ADORA2B: variants seen among roughly 807,000 people sequenced by gnomAD.
ADORA2B encodes the protein adenosine A2b receptor.
In ADORA2B, 18 loss-of-function variants were observed where a neutral mutation model predicts 20.8. The observed-to-expected ratio is 0.87, with a 90% CI of 0.60 to 1.29. The LOEUF (loss-of-function observed/expected upper bound fraction) is 1.29, where lower values mean the gene tolerates loss of function less well. ADORA2B is among the 50% of genes most tolerant of loss of function. The pLI is 0.00. For synonymous variants in ADORA2B, 179 were observed against 178.3 expected (o/e 1.00, Z -0.03); for missense variants, 441 against 422.7 (o/e 1.04, Z -0.38).
At chr17:15,955,399 T>G (rs937082551) in intron 1 of ADORA2B, among the ~76,000 whole-genome samples, 6 of 151,798 alleles carry the variant, frequency 4.0e-5, no homozygotes, top group Non-Finnish European at 8.8e-5. Flanking sequence ...TTTTTTTGTT[T>G]TTTTTGTTTT....
the ADORA2B span, among the ~76,000 whole-genome samples, chr17:15,884,529 A>G: frequency 6.6e-6 from 1 of 152,092 alleles, no homozygotes; most frequent in East Asian, 1.9e-4. Flanking sequence ...TATTAAGAAT[A>G]AGCCCAGCAT....
chr17:15,924,030 C>T, the ADORA2B span, among the ~76,000 whole-genome samples: 1 of 151,984 alleles, frequency 6.6e-6, no homozygotes, highest in Non-Finnish European at 1.5e-5. Context: ...CTCCTGCCTT[C>T]GCCTCCAGAG....
At chr17:15,874,240 T>C in the ADORA2B span, among the ~76,000 whole-genome samples, 1 of 151,782 alleles carries the variant, frequency 6.6e-6, no homozygotes, top group African/African-American at 2.4e-5. Flanking sequence ...AAAAATCATA[T>C]GTTCTCACTC....
upstream of ADORA2B, among the ~76,000 whole-genome samples, chr17:15,944,377 AGC>A (rs1056536377): frequency 6.6e-6 from 1 of 152,074 alleles, no homozygotes; most frequent in African/African-American, 2.4e-5. The surrounding 1 kb of genome is among the most constrained non-coding windows in gnomAD (Gnocchi z 4.8). Context: ...AGGCCTCGGG[AGC>A]CTGTGCCGAT....
chr17:15,937,853 G>A, the ADORA2B span, among the ~76,000 whole-genome samples: 1,320 of 152,248 alleles, frequency 8.7e-3, 20 homozygotes, highest in African/African-American at 0.03. Flanking sequence ...GATTACAGGC[G>A]TGAGCGACCA....
upstream of ADORA2B, chr17:15,944,971 G>C (rs1337975703): frequency 7.8e-6 from 2 of 256,732 alleles, no homozygotes; most frequent in African/African-American, 2.3e-5. This position sits in a 1 kb window ranked among gnomAD's most constrained non-coding sequence, Gnocchi z 4.8. Context: ...GCCTGGACCG[G>C]AGGGGCCCCG....
chr17:15,921,012 A>G, the ADORA2B span, among the ~76,000 whole-genome samples: 1 of 152,202 alleles, frequency 6.6e-6, no homozygotes, highest in South Asian at 2.1e-4. Flanking sequence ...TGGGAAACCA[A>G]TGTTTGAGTC....
chr17:15,900,788 G>A, the ADORA2B span, among the ~76,000 whole-genome samples: 1 of 152,118 alleles, frequency 6.6e-6, no homozygotes. Context: ...GGTGTGAGAG[G>A]ATGCAATCTT....
chr17:15,941,030 A>C (rs1969739717), upstream of ADORA2B, among the ~76,000 whole-genome samples: 1 of 152,252 alleles, frequency 6.6e-6, no homozygotes, highest in Non-Finnish European at 1.5e-5. Context: ...CTGCTCTGGC[A>C]GTTGAGGCAG....
chr17:15,874,064 GTGTGTA>G, the ADORA2B span, among the ~76,000 whole-genome samples: 15 of 144,854 alleles, frequency 1.0e-4, no homozygotes, highest in Admixed American at 4.1e-4. Flanking sequence ...ATATATGTGT[GTGTGTA>G]TATATATATA....
chr17:15,954,755 A>C (rs1036361283), intron 1 of ADORA2B, among the ~76,000 whole-genome samples: 1 of 152,214 alleles, frequency 6.6e-6, no homozygotes, highest in African/African-American at 2.4e-5. Flanking sequence ...CAACAGAGTG[A>C]GACCCTGTCT....
chr17:15,898,453 C>CTTTTT, the ADORA2B span, among the ~76,000 whole-genome samples: 1 of 127,502 alleles, frequency 7.8e-6, no homozygotes, highest in East Asian at 2.3e-4. Flanking sequence ...TAATCTCCCA[C>CTTTTT]TTTTTTTTTT....
the ADORA2B span, among the ~76,000 whole-genome samples, chr17:15,920,202 C>G: frequency 6.6e-6 from 1 of 152,000 alleles, no homozygotes; most frequent in African/African-American, 2.4e-5. Context: ...ATAATAGACA[C>G]GGGAGACACA....
chr17:15,863,025 A>T, the ADORA2B span, among the ~76,000 whole-genome samples: 1 of 152,210 alleles, frequency 6.6e-6, no homozygotes. Flanking sequence ...ACCCAAATAG[A>T]TGAAGTCATA....
At chr17:15,915,943 A>G in the ADORA2B span, among the ~76,000 whole-genome samples, 2 of 152,182 alleles carry the variant, frequency 1.3e-5, no homozygotes, top group Non-Finnish European at 2.9e-5. Context: ...GTTGACACAT[A>G]AAGTTAACCG....
chr17:15,904,391 CTTTTTTTTTT>C, the ADORA2B span, among the ~76,000 whole-genome samples: 1 of 126,404 alleles, frequency 7.9e-6, no homozygotes, highest in Non-Finnish European at 1.6e-5. Context: ...TGTACTTCTG[CTTTTTTTTTT>C]TTTTTTTTTT....
At chr17:15,953,335 T>G (rs2535608) in intron 1 of ADORA2B, among the ~76,000 whole-genome samples, 124,280 of 152,186 alleles carry the variant, frequency 0.82, 55,965 homozygotes, top group Non-Finnish European at 0.99. Context: ...TTTTTTGAGT[T>G]AGAAATCAAC....
chr17:15,917,897 C>T, the ADORA2B span, among the ~76,000 whole-genome samples: 2 of 152,228 alleles, frequency 1.3e-5, no homozygotes, highest in Non-Finnish European at 2.9e-5. Flanking sequence ...TGCTCGGGCT[C>T]GGTCCCAGCC....
intron 1 of ADORA2B, among the ~76,000 whole-genome samples, chr17:15,949,365 T>A (rs929876826): frequency 6.6e-5 from 10 of 150,432 alleles, no homozygotes; most frequent in Non-Finnish European, 1.2e-4. Context: ...ATACAAAAAT[T>A]GGCTGGGTGT....
Sources: gnomAD v4.1 joint callset for allele counts (sites outside exome capture counted in the v4.1 genomes callset) on GRCh38, gnomAD v4.1.1 for gene constraint, Gnocchi (gnomAD v3.1) non-coding constraint, MANE v1.5 for transcripts, NCBI Gene and HGNC (gene_info 2026-07-23, HGNC 2026-07-21) for gene names.